The following STX8 variants were observed in gnomAD, a reference collection of about 807,000 sequenced individuals.
The protein encoded by STX8 is syntaxin-8.
In STX8, 23 loss-of-function variants were observed where a neutral mutation model predicts 37.5. The observed-to-expected ratio is 0.61, with a 90% CI of 0.44 to 0.87. The LOEUF is 0.87. Ranked by LOEUF, STX8 falls within the 40% of genes least tolerant of loss-of-function variation. The pLI, the probability that STX8 is intolerant of heterozygous loss-of-function variation, is 0.00. For synonymous variants in STX8, 115 were observed against 99.1 expected, an observed-to-expected ratio of 1.16 and a Z score of -0.95; for missense variants, 313 against 284.7, an observed-to-expected ratio of 1.10 and a Z score of -0.71.
intron 7 of STX8, among the ~76,000 whole-genome samples, chr17:9,355,643 G>A (rs1910855219): frequency 6.6e-6 from 1 of 151,850 alleles, no homozygotes; most frequent in Non-Finnish European, 1.5e-5. Flanking sequence ...CCGAGTAGCT[G>A]GGATTACAGG....
At chr17:9,449,356 C>G (rs1174004685) in intron 6 of STX8, among the ~76,000 whole-genome samples, 1 of 152,146 alleles carries the variant, frequency 6.6e-6, no homozygotes, top group Non-Finnish European at 1.5e-5. Context: ...GTCAGGAGAT[C>G]GAGACCACCC....
intron 7 of STX8, among the ~76,000 whole-genome samples, chr17:9,260,627 AAAAC>A (rs142433582): frequency 0.034 from 4,757 of 139,122 alleles, 243 homozygotes; most frequent in African/African-American, 0.13. Context: ...CCGTCTCAGA[AAAAC>A]AAACAAACAA....
intron 6 of STX8, among the ~76,000 whole-genome samples, chr17:9,400,177 A>T (rs1912556330): frequency 1.3e-5 from 2 of 151,046 alleles, no homozygotes; most frequent in Admixed American, 1.3e-4. Flanking sequence ...ATCTTGGCTA[A>T]CTGCAAGCTC....
At chr17:9,288,183 G>GAAAA in intron 7 of STX8, among the ~76,000 whole-genome samples, 1 of 84,902 alleles carries the variant, frequency 1.2e-5, no homozygotes, top group South Asian at 4.1e-4. Context: ...CCTTCCCCCT[G>GAAAA]AAAAAAAAAA....
intron 4 of STX8, among the ~76,000 whole-genome samples, chr17:9,531,371 T>G (rs942530107): frequency 2.0e-5 from 3 of 152,200 alleles, no homozygotes; most frequent in African/African-American, 7.2e-5. Context: ...AAATCAATCT[T>G]GAGGGAACTG....
intron 7 of STX8, among the ~76,000 whole-genome samples, chr17:9,332,646 T>C (rs1172930177): frequency 1.3e-5 from 2 of 152,250 alleles, no homozygotes; most frequent in East Asian, 3.8e-4. Flanking sequence ...ATCTTAACGA[T>C]GTTAATAAAA....
chr17:9,460,973 CT>C (rs35282673), intron 6 of STX8, among the ~76,000 whole-genome samples: 1,612 of 143,424 alleles, frequency 0.011, 26 homozygotes, highest in African/African-American at 0.037. Flanking sequence ...GTCATCACTG[CT>C]TTTTTTTTTT....
At chr17:9,410,679 T>A (rs1342233727) in intron 6 of STX8, among the ~76,000 whole-genome samples, 1 of 152,212 alleles carries the variant, frequency 6.6e-6, no homozygotes, top group Non-Finnish European at 1.5e-5. Context: ...CCAAATTCCA[T>A]GTGTTGACAA....
chr17:9,339,031 A>T (rs1296546291), intron 7 of STX8, among the ~76,000 whole-genome samples: 2 of 149,458 alleles, frequency 1.3e-5, no homozygotes, highest in Non-Finnish European at 3.0e-5. Flanking sequence ...AGATCATGCC[A>T]CTGCACTCCA....
intron 6 of STX8, among the ~76,000 whole-genome samples, chr17:9,407,309 A>G (rs763536766): frequency 6.6e-6 from 1 of 152,212 alleles, no homozygotes; most frequent in Non-Finnish European, 1.5e-5. Context: ...GATTAAAGGC[A>G]TGAGCCACCC....
At chr17:9,295,890 C>CA (rs1248319427) in intron 7 of STX8, among the ~76,000 whole-genome samples, 1 of 122,980 alleles carries the variant, frequency 8.1e-6, no homozygotes, top group East Asian at 2.1e-4. Context: ...ACCAAAAATA[C>CA]AAAAAATTAG....
chr17:9,271,288 T>C (rs1441595565), intron 7 of STX8, among the ~76,000 whole-genome samples: 1 of 151,962 alleles, frequency 6.6e-6, no homozygotes, highest in African/African-American at 2.4e-5. Flanking sequence ...ACTTCGTCTC[T>C]ACTAAAAATA....
At chr17:9,523,391 T>TAC (rs537618253) in intron 4 of STX8, among the ~76,000 whole-genome samples, 1,256 of 30,238 alleles carry the variant, frequency 0.042, 17 homozygotes, top group African/African-American at 0.061. Context: ...TACATATATA[T>TAC]ATACACACAC....
At chr17:9,344,200 A>G (rs536436628) in intron 7 of STX8, among the ~76,000 whole-genome samples, 9 of 152,134 alleles carry the variant, frequency 5.9e-5, no homozygotes, top group African/African-American at 1.4e-4. Context: ...GAAGGGGTCA[A>G]GACCACGGAG....
intron 7 of STX8, among the ~76,000 whole-genome samples, chr17:9,309,204 AC>A (rs1182248293): frequency 2.0e-5 from 3 of 152,130 alleles, no homozygotes; most frequent in African/African-American, 7.2e-5. Context: ...CATTTTTCTC[AC>A]CCATTTATAT....
intron 6 of STX8, among the ~76,000 whole-genome samples, chr17:9,418,531 A>C (rs12944599): frequency 5.1e-4 from 73 of 143,820 alleles, no homozygotes; most frequent in East Asian, 2.1e-3. Flanking sequence ...AAAAAAAAAA[A>C]CAAAAAAAAA....
At chr17:9,332,841 C>G (rs1197656318) in intron 7 of STX8, among the ~76,000 whole-genome samples, 1 of 152,152 alleles carries the variant, frequency 6.6e-6, no homozygotes, top group Non-Finnish European at 1.5e-5. Flanking sequence ...TTGTATCCTA[C>G]CTCACCCAAC....
chr17:9,446,954 C>A (rs942203754), intron 6 of STX8, among the ~76,000 whole-genome samples: 1 of 152,122 alleles, frequency 6.6e-6, no homozygotes, highest in Non-Finnish European at 1.5e-5. Context: ...TTTAAGATTT[C>A]TATTTTTTGG....
At position 9,465,680 on chromosome 17, in the gene STX8, A is replaced by G. The variant is rs193077059; in HGVS notation, c.541+26149T>C. Among the ~76,000 whole-genome samples, 1,155 of 152,316 alleles carry G rather than the reference A, an allele frequency of 7.6e-3. 5 individuals carry two copies. Among genetic ancestry groups the G allele is most frequent in the Non-Finnish European group, 0.014 (922 of 68,034 alleles). On this transcript the variant is annotated intron_variant, in intron 6 of 7. Coordinates refer to ENST00000306357, the MANE Select transcript of STX8 (RefSeq NM_004853.3). ...CATCACAGAGTATGAAAAACTGAAC[A>G]GCGCTATGCGGTATCGGATCACTCG...
Sources: gnomAD v4.1 joint callset for allele counts (sites outside exome capture counted in the v4.1 genomes callset) on GRCh38, gnomAD v4.1.1 for gene constraint, MANE v1.5 for transcripts, NCBI Gene and HGNC (gene_info 2026-07-23, HGNC 2026-07-21) for gene names.